Variants in ZDHHC14 observed in about 807,000 individuals in gnomAD.
ZDHHC14 encodes zDHHC palmitoyltransferase 14, also known as palmitoyltransferase ZDHHC14.
In ZDHHC14, 16 loss-of-function variants were observed where a neutral mutation model predicts 47.7. That is an observed-to-expected ratio of 0.34 (90% CI 0.23 to 0.51). ZDHHC14 has a LOEUF of 0.51. Ranked by LOEUF, ZDHHC14 falls within the 20% of genes least tolerant of loss-of-function variation. ZDHHC14 has a pLI of 0.97. For missense variants in ZDHHC14, 515 were observed against 662.5 expected (o/e 0.78, Z 2.44); for synonymous variants, 293 against 278.9 (o/e 1.05, Z -0.50).
chr6:157,512,756 G>A (rs910744985), intron 1 of ZDHHC14, among the ~76,000 whole-genome samples: 8 of 152,228 alleles, frequency 5.3e-5, no homozygotes, highest in East Asian at 3.9e-4. Flanking sequence ...AAATATATCC[G>A]TCTTCCAGTA....
intron 5 of ZDHHC14, 94 bp from the exon 6 acceptor site, chr6:157,645,643 G>A (rs764770826): frequency 4.7e-4 from 435 of 918,014 alleles, no homozygotes; most frequent in Non-Finnish European, 6.6e-4. Context: ...ACTAGAGAGA[G>A]GCCTGTGCCC....
rs565311764 is a variant in ZDHHC14, at chr6:157,494,123, T to G, written c.246-48462T>G. On this transcript the variant is annotated intron_variant, in intron 1 of 8. Transcript: ENST00000359775. Reference sequence around the variant, plus strand: ...CATTTTGCTTCCTCAGCTTAAGCCTTTATTGCTTCAACTCTAAAATGAGCG... The same window carrying G: ...CATTTTGCTTCCTCAGCTTAAGCCTGTATTGCTTCAACTCTAAAATGAGCG... 5.3e-5 allele frequency among the ~76,000 whole-genome samples: 8 copies of G among 152,342 alleles called. No individual in the cohort carries two copies. In the South Asian group the frequency reaches 6.2e-4, roughly 12 times the overall value.
At chr6:157,519,488 GAAGT>G (rs556524079) in intron 1 of ZDHHC14, among the ~76,000 whole-genome samples, 120 of 152,282 alleles carry the variant, frequency 7.9e-4, no homozygotes, top group Non-Finnish European at 1.2e-3. Context: ...GCTCATGGGA[GAAGT>G]AAGGGCCTAA....
chr6:157,559,927 A>G (rs538341361), intron 2 of ZDHHC14, among the ~76,000 whole-genome samples: 6 of 152,380 alleles, frequency 3.9e-5, no homozygotes, highest in Non-Finnish European at 7.3e-5. Flanking sequence ...GGAGCAAAAT[A>G]GAAACCTTAC....
chr6:157,585,214 T>G (rs570147061), intron 2 of ZDHHC14, among the ~76,000 whole-genome samples: 1 of 151,764 alleles, frequency 6.6e-6, no homozygotes, highest in African/African-American at 2.4e-5. Context: ...TCTCAAAAAA[T>G]AAATAAATAA....
In ZDHHC14 at chr6:157,649,500, C is replaced by T. The variant is rs551231522; in HGVS notation, c.965+2132C>T. Among the ~76,000 whole-genome samples the T allele has an allele frequency of 1.1e-3, 162 of 152,324 alleles. 1 individual carries two copies. Among genetic ancestry groups the T allele is most frequent in the African/African-American group, 3.7e-3 (155 of 41,580 alleles). ...GCCTTGCCCTTCCGCTGTGCCACCT[C>T]GACCCAGCCCCTGTGCCCTTAAGTG... On this transcript the variant is annotated intron_variant, in intron 7 of 8. Coordinates refer to ENST00000359775, the MANE Select transcript of ZDHHC14 (RefSeq NM_024630.3).
chr6:157,578,303 C>T (rs1783383344), intron 2 of ZDHHC14, among the ~76,000 whole-genome samples: 1 of 152,130 alleles, frequency 6.6e-6, no homozygotes, highest in South Asian at 2.1e-4. Context: ...TAAGTTATCT[C>T]CCAGAGTTTT....
chr6:157,557,192 G>C (rs955678390), intron 2 of ZDHHC14, among the ~76,000 whole-genome samples: 1 of 152,230 alleles, frequency 6.6e-6, no homozygotes, highest in African/African-American at 2.4e-5. Context: ...TGCGGGCCTA[G>C]CACAGCCTCT....
intron 1 of ZDHHC14, among the ~76,000 whole-genome samples, chr6:157,421,854 C>T (rs1011399004): frequency 6.6e-6 from 1 of 152,080 alleles, no homozygotes; most frequent in Non-Finnish European, 1.5e-5. Context: ...GTGATCCACC[C>T]GCCTTGGCCT....
intron 2 of ZDHHC14, among the ~76,000 whole-genome samples, chr6:157,552,286 G>A (rs914538688): frequency 6.6e-6 from 1 of 152,112 alleles, no homozygotes; most frequent in Non-Finnish European, 1.5e-5. Flanking sequence ...CAGTCAGTCA[G>A]TTGGGTTTTA....
intron 1 of ZDHHC14, among the ~76,000 whole-genome samples, chr6:157,467,907 G>A (rs1172819528): frequency 2.0e-5 from 3 of 152,076 alleles, no homozygotes; most frequent in South Asian, 4.2e-4. Flanking sequence ...TATATCGGTC[G>A]ATGGATATTT....
intron 1 of ZDHHC14, among the ~76,000 whole-genome samples, chr6:157,425,571 C>T (rs1042132505): frequency 6.6e-6 from 1 of 152,162 alleles, no homozygotes; most frequent in Admixed American, 6.5e-5. Context: ...ATTTTGGTTG[C>T]GATATCTGCA....
chr6:157,621,864 A>G (rs911961268), intron 3 of ZDHHC14, among the ~76,000 whole-genome samples: 6 of 151,950 alleles, frequency 3.9e-5, no homozygotes, highest in Non-Finnish European at 8.8e-5. Context: ...CCTTTTTCAT[A>G]TTTGATCTCT....
Position 157,463,104 on chromosome 6 carries a change from G to A in ZDHHC14, c.246-79481G>A, listed in dbSNP as rs559614771. 1.4e-4 allele frequency among the ~76,000 whole-genome samples: 22 copies of A among 152,166 alleles called. No individual in the cohort carries two copies. The highest frequency in any genetic ancestry group is 4.1e-4 in the South Asian group (2 of 4,822). ...ATGTTATATAGAAAGTTTATTACACGAGTTGTTGGCTATTCAGACATGCAC... is the reference window on the plus strand; with the variant it reads ...ATGTTATATAGAAAGTTTATTACACAAGTTGTTGGCTATTCAGACATGCAC... On this transcript the variant is annotated intron_variant, in intron 1 of 8. Transcript: ENST00000359775. The surrounding 1 kb of genome is among the most constrained non-coding windows in gnomAD (Gnocchi z 4.4).
intron 3 of ZDHHC14, among the ~76,000 whole-genome samples, chr6:157,596,611 C>G (rs1784142768): frequency 6.6e-6 from 1 of 152,166 alleles, no homozygotes; most frequent in African/African-American, 2.4e-5. Context: ...TCTGAGAACA[C>G]ACAGGCCAGG....
chr6:157,389,673 C>T (rs886680669), intron 1 of ZDHHC14, among the ~76,000 whole-genome samples: 2 of 152,064 alleles, frequency 1.3e-5, no homozygotes, highest in African/African-American at 4.8e-5. Context: ...TAAGAGATTA[C>T]AATGTGCATT....
chr6:157,533,679 G>T (rs558958727), intron 1 of ZDHHC14, among the ~76,000 whole-genome samples: 1 of 152,186 alleles, frequency 6.6e-6, no homozygotes, highest in Non-Finnish European at 1.5e-5. Context: ...GAGGAGGGAC[G>T]TGCTCTGGCT....
intron 8 of ZDHHC14, among the ~76,000 whole-genome samples, chr6:157,669,985 C>T (rs543960457): frequency 4.6e-5 from 7 of 152,350 alleles, no homozygotes; most frequent in South Asian, 2.1e-4. Context: ...TTCCAGAAGA[C>T]GAATGTTTAA....
rs910273954 is a variant in ZDHHC14 at position 157,499,395 on chromosome 6, G to A, written c.246-43190G>A. On this transcript the variant is annotated intron_variant, in intron 1 of 8. Transcript: ENST00000359775. ...CGTGTGGCTGAGGGAGCCAGCCCCAGGCTCTTCCTCTTCTTCTAAGGACAC... is the reference window on the plus strand; with the variant it reads ...CGTGTGGCTGAGGGAGCCAGCCCCAAGCTCTTCCTCTTCTTCTAAGGACAC... Among the ~76,000 whole-genome samples, 5 of 152,084 alleles carry A rather than the reference G, an allele frequency of 3.3e-5. No individual in the cohort carries two copies. In the South Asian group the frequency reaches 1.0e-3, roughly 32 times the overall value.
Sources: allele counts gnomAD v4.1 joint callset (sites outside exome capture counted in the v4.1 genomes callset), GRCh38; gene constraint gnomAD v4.1.1; non-coding constraint Gnocchi (gnomAD v3.1); transcripts MANE v1.5; gene names NCBI Gene and HGNC (gene_info 2026-07-23, HGNC 2026-07-21).